The following HMGXB3 variants were observed in gnomAD, a reference collection of about 807,000 sequenced individuals.
HMGXB3 encodes the protein HMG domain-containing protein 3.
A neutral mutation model predicts 121.5 loss-of-function variants in HMGXB3; 45 were observed. The ratio of observed to expected loss-of-function variants is 0.37; its 90% confidence interval spans 0.29 to 0.47. The LOEUF is 0.47. Ranked by LOEUF, HMGXB3 falls within the 20% of genes least tolerant of loss-of-function variation. The probability of loss-of-function intolerance (pLI) is 0.99; values close to 1 mark genes in which losing one functional copy is unlikely to be tolerated. For synonymous variants in HMGXB3, 590 were observed against 624.1 expected (o/e 0.95, Z 0.81); for missense variants, 1,376 against 1,602.2 (o/e 0.86, Z 2.41).
At chr5:150,044,462 C>T (rs1756710807) in intron 15 of HMGXB3, among the ~76,000 whole-genome samples, 1 of 152,138 alleles carries the variant, frequency 6.6e-6, no homozygotes, top group Non-Finnish European at 1.5e-5. Context: ...GGAGAGGAGC[C>T]TTTATGGGGA....
chr5:150,030,681 T>C (rs1356926122), intron 9 of HMGXB3, 60 bp from the exon 10 acceptor site: 3 of 1,248,340 alleles, frequency 2.4e-6, no homozygotes, highest in South Asian at 2.6e-5. Flanking sequence ...TTTCAGGACA[T>C]GGGAGCTCAG....
rs568846182 is a variant in HMGXB3, at chr5:150,053,012, C to G, written c.*820C>G. 1.2e-5 allele frequency: 2 copies of G among 164,370 alleles called. No individual in the cohort carries two copies. Among genetic ancestry groups the G allele is most frequent in the East Asian group, 2.6e-4 (2 of 7,768 alleles). 10.2% of individuals were successfully genotyped at this position (164,370 alleles called of 1,614,324 possible). A position where few individuals can be genotyped will look rare whatever the true frequency, so the allele number is the denominator to read the frequency against. On this transcript the variant is annotated 3_prime_UTR_variant, in exon 20 of 20. Transcript: ENST00000502717. Reference sequence around the variant, plus strand: ...CCATAAGGAAACAGCAGGACTGGCTCAAGTGCCCAAGGTTTGTTTAGGGCC... The same window carrying G: ...CCATAAGGAAACAGCAGGACTGGCTGAAGTGCCCAAGGTTTGTTTAGGGCC...
chr5:150,036,566 T>C (rs1402698076), intron 11 of HMGXB3, 70 bp from the exon 12 acceptor site: 2 of 1,378,960 alleles, frequency 1.5e-6, no homozygotes. Flanking sequence ...CTCCCAGACT[T>C]TTATTATTTT....
intron 18 of HMGXB3, among the ~76,000 whole-genome samples, chr5:150,049,521 A>G (rs568053906): frequency 6.6e-5 from 10 of 152,322 alleles, no homozygotes; most frequent in African/African-American, 2.4e-4. Flanking sequence ...CCAGTTCCCA[A>G]CTACTTTAAC....
chr5:150,024,186 TA>T, intron 6 of HMGXB3, 75 bp from the exon 7 acceptor site: 2 of 1,206,514 alleles, frequency 1.7e-6, no homozygotes, highest in Non-Finnish European at 2.3e-6. Context: ...CATATGTTAT[TA>T]AAAATGAGAG....
In HMGXB3 at chr5:150,036,648, C is replaced by T. The variant is rs1471134177; in HGVS notation, c.1996C>T (p.Pro666Ser). 6.5e-7 allele frequency: 1 copy of T among 1,543,536 alleles called. No individual in the cohort carries two copies. Among genetic ancestry groups the T allele is most frequent in the Non-Finnish European group, 8.8e-7 (1 of 1,142,214 alleles). Residue 666 changes from proline to serine, a missense_variant, in exon 12 of 20, where the codon CCA becomes TCA. By Grantham distance (74) the Pro-to-Ser change is moderately conservative. Transcript: ENST00000502717. ...ACTCTCTTCCCAGGAGGTGAGCTCA[C>T]CACTCCCAGATGTACTGAATGCCAC... is the stretch of plus-strand genomic sequence containing the variant. ...KTTKAIEVSS[P>S]LPDVLNATEP...
At chr5:150,021,821 T>A in intron 6 of HMGXB3, 1 of 507,554 alleles carries the variant, frequency 2.0e-6, no homozygotes, top group South Asian at 1.4e-5. Context: ...AGCACACATC[T>A]TCTCCAGGGA....
intron 6 of HMGXB3, chr5:150,022,061 T>TG (rs1554098396): frequency 3.6e-6 from 1 of 275,550 alleles, no homozygotes; most frequent in Non-Finnish European, 7.2e-6. Flanking sequence ...CAAAACATTA[T>TG]ATTTTTTTGT....
intron 6 of HMGXB3, chr5:150,021,483 C>A (rs1425115168): frequency 7.6e-6 from 2 of 264,552 alleles, no homozygotes; most frequent in Non-Finnish European, 1.5e-5. Context: ...TGAATGAAGC[C>A]CAACACAAAT....
chr5:150,047,353 G>C (rs1756780810), intron 16 of HMGXB3: 1 of 409,818 alleles, frequency 2.4e-6, no homozygotes, highest in South Asian at 3.1e-5. Context: ...AAAAACCTTA[G>C]AAGACTGGAT....
At position 150,037,336 on chromosome 5, in the gene HMGXB3, C is replaced by T. The variant is rs1226184723; in HGVS notation, c.2286-64C>T. 4.9e-6 allele frequency: 7 copies of T among 1,430,292 alleles called. No individual in the cohort carries two copies. The Admixed American group carries it at 1.6e-4, about 33-fold the overall frequency. The allele number at this position is 1,430,292 out of a possible 1,614,324, so 88.6% of individuals were successfully genotyped here. On this transcript the variant is annotated intron_variant, in intron 12 of 19. Transcript: ENST00000502717. ...AGAATTTGCCATTGATCACTGAGCCCTGGAACTCCATAAAGAAGTCTCTTT... is the reference window on the plus strand; with the variant it reads ...AGAATTTGCCATTGATCACTGAGCCTTGGAACTCCATAAAGAAGTCTCTTT...
At position 150,032,560 on chromosome 5, in the gene HMGXB3, T is replaced by G. The variant is rs1191169048; in HGVS notation, c.1940T>G (p.Val647Gly). 13 of 1,552,134 alleles carry G rather than the reference T, an allele frequency of 8.4e-6. No individual in the cohort carries two copies. The highest frequency in any genetic ancestry group is 4.9e-5 in the East Asian group (2 of 40,932). Residue 647 changes from valine to glycine, a missense_variant, in exon 11 of 20, where the codon GTT becomes GGT. By Grantham distance (109) the Val-to-Gly change is moderately radical. Coordinates refer to ENST00000502717, the MANE Select transcript of HMGXB3 (RefSeq NM_014983.3). ...CCTCGAATTTGTCCCAGCTGTGGTG[T>G]TAACCTTGCCAAAGACCGGACTGAG... ...HKPRICPSCG[V>G]NLAKDRTEKT...
chr5:150,021,767 A>T (rs539747437), intron 6 of HMGXB3: 4 of 508,088 alleles, frequency 7.9e-6, no homozygotes, highest in African/African-American at 7.7e-5. Flanking sequence ...ATTCGAACTG[A>T]TCCTTTCACT....
At chr5:150,010,806 A>C (rs1046811062) in intron 4 of HMGXB3, among the ~76,000 whole-genome samples, 198 bp downstream of exon 4, 3 of 152,078 alleles carry the variant, frequency 2.0e-5, no homozygotes, top group African/African-American at 7.2e-5. Context: ...ACTCTTACCA[A>C]CTCTTTGCCC....
chr5:150,004,733 T>A, intron 1 of HMGXB3, 118 bp from the exon 2 acceptor site: 2 of 623,292 alleles, frequency 3.2e-6, no homozygotes, highest in South Asian at 5.5e-5. Flanking sequence ...ATATATTGGG[T>A]TTGGGAAATG....
chr5:150,010,518 G>T lies in HMGXB3; in HGVS notation c.720G>T (p.Leu240Phe). 2.6e-6 allele frequency: 4 copies of T among 1,551,620 alleles called. No individual in the cohort carries two copies. Among genetic ancestry groups the T allele is most frequent in the Non-Finnish European group, 3.5e-6 (4 of 1,147,008 alleles). The change falls in exon 4 of 20, where the codon TTG becomes TTT. Residue 240 changes from leucine to phenylalanine, a missense_variant. Physicochemically the swap from Leu to Phe is conservative, Grantham distance 22. Coordinates refer to ENST00000502717, the MANE Select transcript of HMGXB3 (RefSeq NM_014983.3). ...CAAGCCTGGTAATTGAAGAGACCTT[G>T]GTGAATGGCTCACCAGACCTCCCCA... ...YQTSLVIEETLVNGSPDLPTG... is the reference protein window; with the variant it reads ...YQTSLVIEETFVNGSPDLPTG...
chr5:150,011,892 G>C (rs977943119), intron 4 of HMGXB3, among the ~76,000 whole-genome samples: 4 of 152,068 alleles, frequency 2.6e-5, no homozygotes, highest in Admixed American at 2.6e-4. Context: ...GATTACAGGC[G>C]TGAGCCGCCG....
intron 1 of HMGXB3, among the ~76,000 whole-genome samples, chr5:150,003,404 C>G (rs1202105247): frequency 6.6e-6 from 1 of 151,898 alleles, no homozygotes; most frequent in Non-Finnish European, 1.5e-5. Flanking sequence ...CCTGCTTGGG[C>G]TTGGTGGCCT....
intron 3 of HMGXB3, 104 bp downstream of exon 3, chr5:150,006,751 G>T: frequency 9.9e-7 from 1 of 1,013,346 alleles, no homozygotes; most frequent in Non-Finnish European, 1.4e-6. Flanking sequence ...TTTGGGAAAA[G>T]TTTCATCGTT....
Sources: gnomAD v4.1 joint callset for allele counts (sites outside exome capture counted in the v4.1 genomes callset) on GRCh38, gnomAD v4.1.1 for gene constraint, MANE v1.5 for transcripts, NCBI Gene and HGNC (gene_info 2026-07-23, HGNC 2026-07-21) for gene names.